The following AFF1 variants were observed in gnomAD, a reference collection of about 807,000 sequenced individuals.
AFF1 encodes the protein ALF transcription elongation factor 1, also known as AF4/FMR2 family member 1.
In AFF1, 48 loss-of-function variants were observed where a neutral mutation model predicts 121.7. The observed-to-expected ratio is 0.39, with a 90% CI of 0.31 to 0.50. The LOEUF (loss-of-function observed/expected upper bound fraction) is 0.50. Among genes scored for constraint, AFF1 ranks in the 20% least tolerant of loss-of-function variants. The probability of loss-of-function intolerance (pLI) is 0.76; values close to 1 mark genes in which losing one functional copy is unlikely to be tolerated. For synonymous variants in AFF1, 613 were observed against 563.0 expected (o/e 1.09, Z -1.26); for missense variants, 1,523 against 1,511.7 (o/e 1.01, Z -0.12).
At chr4:86,999,916 G>A (rs1001118079) in intron 2 of AFF1, among the ~76,000 whole-genome samples, 2 of 152,096 alleles carry the variant, frequency 1.3e-5, no homozygotes, top group Admixed American at 6.5e-5. Context: ...TGGGACTAGG[G>A]TAGAGAAAAT....
At chr4:86,962,655 G>A (rs774092061) in intron 2 of AFF1, among the ~76,000 whole-genome samples, 1 of 152,086 alleles carries the variant, frequency 6.6e-6, no homozygotes, top group Admixed American at 6.5e-5. Flanking sequence ...TGGGACCAGC[G>A]CCTGGCACTG....
rs1165647317 is a variant in AFF1, at chr4:87,114,942, G to A, written c.2109G>A (p.Arg703=). 1.9e-6 allele frequency: 3 copies of A among 1,612,698 alleles called. No individual in the cohort carries two copies. The highest frequency in any genetic ancestry group is 1.3e-5 in the African/African-American group (1 of 74,860). The change falls in exon 12 of 21, where the codon AGG becomes AGA. Residue 703 remains arginine, a synonymous_variant. Transcript: ENST00000395146. ...PEPAKDNVED[R]TPEHFALVPL... ...CCGCGAAGGACAATGTGGAGGACAG[G>A]ACCCCTGAGCACTTTGCTCTTGTTC...
At chr4:87,036,449 G>A (rs1412177254) in intron 2 of AFF1, among the ~76,000 whole-genome samples, 1 of 152,082 alleles carries the variant, frequency 6.6e-6, no homozygotes, top group East Asian at 1.9e-4. Flanking sequence ...ATACGTGCTG[G>A]CCTTGCTCAC....
chr4:87,013,971 C>T (rs1246304589), intron 2 of AFF1, among the ~76,000 whole-genome samples: 1 of 151,922 alleles, frequency 6.6e-6, no homozygotes, highest in African/African-American at 2.4e-5. Flanking sequence ...TTGTATGATG[C>T]TATTAAATTT....
intron 5 of AFF1, among the ~76,000 whole-genome samples, chr4:87,086,018 C>T (rs917246410): frequency 1.3e-5 from 2 of 152,114 alleles, no homozygotes; most frequent in Non-Finnish European, 2.9e-5. Flanking sequence ...GGATTACAGG[C>T]GTGAGCCACC....
chr4:87,124,491 T>C (rs1223136655), intron 12 of AFF1, among the ~76,000 whole-genome samples: 1 of 152,228 alleles, frequency 6.6e-6, no homozygotes, highest in Non-Finnish European at 1.5e-5. Context: ...TTCTGTAAAA[T>C]ACACGGGATT....
intron 8 of AFF1, among the ~76,000 whole-genome samples, chr4:87,100,399 C>T (rs1725311354): frequency 6.6e-6 from 1 of 152,124 alleles, no homozygotes; most frequent in African/African-American, 2.4e-5. Context: ...GGCCTCCCTG[C>T]TCTTTTTGGT....
At chr4:86,943,005 G>T (rs929061072) in intron 1 of AFF1, among the ~76,000 whole-genome samples, 1 of 152,188 alleles carries the variant, frequency 6.6e-6, no homozygotes, top group African/African-American at 2.4e-5. Context: ...GAGAGTTGTG[G>T]GTTGGCTGGA....
At chr4:86,979,190 T>A (rs1723537076) in intron 2 of AFF1, among the ~76,000 whole-genome samples, 1 of 152,158 alleles carries the variant, frequency 6.6e-6, no homozygotes, top group East Asian at 1.9e-4. Flanking sequence ...CTCCGCCTCT[T>A]GAGTTCAAGT....
chr4:86,997,058 C>T (rs534011245), intron 2 of AFF1, among the ~76,000 whole-genome samples: 10 of 152,286 alleles, frequency 6.6e-5, no homozygotes, highest in African/African-American at 2.4e-4. Flanking sequence ...ATTACAGGTG[C>T]CCACCACCAT....
intron 1 of AFF1, among the ~76,000 whole-genome samples, chr4:86,941,438 G>A (rs1223157058): frequency 3.9e-5 from 6 of 152,078 alleles, no homozygotes; most frequent in Non-Finnish European, 7.4e-5. Flanking sequence ...CGGGTGGATC[G>A]CTTGGAAGTC....
At chr4:86,987,533 A>C (rs1449378443) in intron 2 of AFF1, among the ~76,000 whole-genome samples, 1 of 152,198 alleles carries the variant, frequency 6.6e-6, no homozygotes, top group Admixed American at 6.5e-5. Context: ...TCTGTGTGGA[A>C]GTCCTAATTC....
chr4:87,007,283 T>G, intron 2 of AFF1: 2 of 1,560,234 alleles, frequency 1.3e-6, no homozygotes, highest in Non-Finnish European at 1.7e-6. Flanking sequence ...TCCCGTAACA[T>G]CGGGGCGCCG....
intron 2 of AFF1, among the ~76,000 whole-genome samples, chr4:86,996,532 TCG>T: frequency 6.6e-6 from 1 of 151,072 alleles, no homozygotes; most frequent in Non-Finnish European, 1.5e-5. Flanking sequence ...GGCAGCATGC[TCG>T]TTAAGAGTCA....
chr4:87,076,387 TAA>T (rs760952346), intron 4 of AFF1, among the ~76,000 whole-genome samples: 31 of 152,186 alleles, frequency 2.0e-4, no homozygotes, highest in Non-Finnish European at 3.5e-4. Flanking sequence ...AGTTTGACGT[TAA>T]AAAGAGTCAG....
chr4:87,105,607 CTG>C lies in AFF1; in HGVS notation c.1284-17_1284-16del. On this transcript the variant is annotated intron_variant, in intron 8 of 20. Transcript: ENST00000395146. ...GAAATCATTTCACATTCATTCTTCT[CTG>C]TGTCCCTGCCCATTCCAGCATGCTC... 1 of 1,614,060 alleles carries C rather than the reference CTG, an allele frequency of 6.2e-7. No homozygotes were observed. The highest frequency in any genetic ancestry group is 8.5e-7 in the Non-Finnish European group (1 of 1,179,956).
rs1203037049 is a variant in AFF1 at position 87,137,439 on chromosome 4, CTG to C, written c.*1743_*1744del. 3.0e-5 allele frequency: 7 copies of C among 230,780 alleles called. No homozygotes were observed. Among genetic ancestry groups the C allele is most frequent in the African/African-American group, 4.4e-5 (2 of 45,184 alleles). The allele number at this position is 230,780 out of a possible 1,614,324, so 14.3% of individuals were successfully genotyped here. ...GCTTATCTCTCACAGTGTGAGTGGT[CTG>C]TGTGAGGCTGTTCCTTCAGTTTCTT... On this transcript the variant is annotated 3_prime_UTR_variant, in exon 21 of 21. Coordinates refer to ENST00000395146, the MANE Select transcript of AFF1 (RefSeq NM_001166693.3).
intron 5 of AFF1, among the ~76,000 whole-genome samples, chr4:87,088,276 G>T (rs547604265): frequency 2.0e-5 from 3 of 152,288 alleles, no homozygotes; most frequent in East Asian, 3.9e-4. Context: ...GTAAACAAGG[G>T]CACGAGTTCA....
intron 2 of AFF1, among the ~76,000 whole-genome samples, chr4:87,011,505 T>C (rs1726758664): frequency 6.6e-6 from 1 of 152,194 alleles, no homozygotes; most frequent in Admixed American, 6.5e-5. Context: ...TCTCTGATTT[T>C]TGAGCTAGTG....
Sources: gnomAD v4.1 joint callset for allele counts (sites outside exome capture counted in the v4.1 genomes callset) on GRCh38, gnomAD v4.1.1 for gene constraint, MANE v1.5 for transcripts, NCBI Gene and HGNC (gene_info 2026-07-23, HGNC 2026-07-21) for gene names.